ARMH3: variants seen among roughly 807,000 people sequenced by gnomAD.
ARMH3 encodes armadillo like helical domain containing 3.
ARMH3 carries 60 observed loss-of-function variants against 99.1 expected under a neutral mutation model. That is an observed-to-expected ratio of 0.61 (90% confidence interval 0.49 to 0.75). The LOEUF (loss-of-function observed/expected upper bound fraction) is 0.75, where lower values mean the gene tolerates loss of function less well. Among genes scored for constraint, ARMH3 ranks in the 30% least tolerant of loss-of-function variants. The pLI is 0.00. For synonymous variants in ARMH3, 285 were observed against 292.8 expected, an observed-to-expected ratio of 0.97 and a Z score of 0.27; for missense variants, 679 against 843.1, an observed-to-expected ratio of 0.81 and a Z score of 2.41.
chr10:101,931,728 G>A (rs1397202787), intron 23 of ARMH3, among the ~76,000 whole-genome samples: 1 of 151,962 alleles, frequency 6.6e-6, no homozygotes, highest in African/African-American at 2.4e-5. Flanking sequence ...GATTAGCCTG[G>A]GCAACGTAGC....
At chr10:101,984,110 A>G (rs1168686433) in intron 19 of ARMH3, among the ~76,000 whole-genome samples, 3 of 152,162 alleles carry the variant, frequency 2.0e-5, no homozygotes, top group African/African-American at 7.2e-5. Flanking sequence ...CCCTCCCCAC[A>G]TTTGGTCATA....
At chr10:101,986,672 A>G (rs894133753) in intron 19 of ARMH3, among the ~76,000 whole-genome samples, 1 of 152,158 alleles carries the variant, frequency 6.6e-6, no homozygotes, top group African/African-American at 2.4e-5. Context: ...ACTGCCGAAA[A>G]GGGGTACATA....
chr10:102,054,487 C>T (rs537378557), intron 1 of ARMH3, among the ~76,000 whole-genome samples: 1 of 152,278 alleles, frequency 6.6e-6, no homozygotes, highest in Admixed American at 6.5e-5. Context: ...GGTATTCCCC[C>T]TTTACAGTCG....
At chr10:101,966,293 T>G (rs1845539937) in intron 20 of ARMH3, among the ~76,000 whole-genome samples, 1 of 119,724 alleles carries the variant, frequency 8.4e-6, no homozygotes, top group African/African-American at 3.1e-5. Context: ...GGGTTTTTTT[T>G]TTTTTTTTTT....
intron 23 of ARMH3, among the ~76,000 whole-genome samples, chr10:101,910,067 C>T (rs938075506): frequency 1.3e-5 from 2 of 152,184 alleles, no homozygotes; most frequent in South Asian, 4.1e-4. Flanking sequence ...CCTGCTCTTC[C>T]TGTGGCCTTC....
At chr10:101,997,936 C>T (rs1461245444) in intron 15 of ARMH3, among the ~76,000 whole-genome samples, 1 of 152,128 alleles carries the variant, frequency 6.6e-6, no homozygotes, top group East Asian at 1.9e-4. Flanking sequence ...CCAAGGCATG[C>T]AGCAGGGGCT....
chr10:101,952,219 A>G (rs1414564435), intron 22 of ARMH3, among the ~76,000 whole-genome samples: 1 of 152,214 alleles, frequency 6.6e-6, no homozygotes, highest in Non-Finnish European at 1.5e-5. Context: ...CACTACCTTA[A>G]CCAAGTGATC....
At chr10:101,876,122 G>A (rs995355620) in intron 24 of ARMH3, among the ~76,000 whole-genome samples, 2 of 151,768 alleles carry the variant, frequency 1.3e-5, no homozygotes, top group African/African-American at 4.8e-5. Context: ...GGTGGCACGC[G>A]CCTGTAGTCC....
chr10:101,993,455 T>C, intron 17 of ARMH3, 83 bp downstream of exon 17: 1 of 1,046,784 alleles, frequency 9.6e-7, no homozygotes, highest in Non-Finnish European at 1.4e-6. Context: ...ACATTTGTTC[T>C]AGTAAGATCA....
chr10:101,974,595 T>TGCAGGGG (rs1243304202), intron 20 of ARMH3, among the ~76,000 whole-genome samples: 1 of 152,170 alleles, frequency 6.6e-6, no homozygotes, highest in African/African-American at 2.4e-5. Flanking sequence ...ACTTCCCCCC[T>TGCAGGGG]GCAGGGGTAG....
chr10:101,980,899 G>A (rs574865345), intron 19 of ARMH3, among the ~76,000 whole-genome samples: 418 of 152,264 alleles, frequency 2.7e-3, no homozygotes, highest in Non-Finnish European at 4.9e-3. Context: ...ATGAGATCAT[G>A]TCCTTTGCAG....
chr10:101,847,190 T>C lies in ARMH3; in HGVS notation c.*338A>G. On this transcript the variant is annotated 3_prime_UTR_variant, in exon 26 of 26. Transcript: ENST00000370033. ...CAGGGTGCTGGCATTACCCTGAGGC[T>C]TGCCTCACCAGCTCCCGAAAATTAG... The C allele has an allele frequency of 7.7e-6, 2 of 258,710 alleles. No individual in the cohort carries two copies. Among genetic ancestry groups the C allele is most frequent in the South Asian group, 9.8e-5 (2 of 20,424 alleles). The allele number at this position is 258,710 out of a possible 1,614,324, so 16.0% of individuals were successfully genotyped here. A position where few individuals can be genotyped will look rare whatever the true frequency, so the allele number is the denominator to read the frequency against.
intron 23 of ARMH3, among the ~76,000 whole-genome samples, chr10:101,912,635 T>C (rs756540533): frequency 8.5e-5 from 13 of 152,334 alleles, no homozygotes; most frequent in Non-Finnish European, 1.9e-4. Context: ...TACATCTTCC[T>C]TTACAATTTA....
intron 14 of ARMH3, 134 bp from the exon 15 acceptor site, chr10:102,002,206 C>A: frequency 7.5e-7 from 1 of 1,336,174 alleles, no homozygotes; most frequent in South Asian, 1.5e-5. Flanking sequence ...GGACCAAGTG[C>A]TCATCACAAA....
In ARMH3 at chr10:101,882,515, A is replaced by G. The variant is rs148220316; in HGVS notation, c.1860+6897T>C. The stretch of plus-strand genomic sequence containing the variant: ...GAGGTACTTTACTTTCCCACCCAAC[A>G]CTGAGATGGAGTCTTGCTCTGTCGC... On this transcript the variant is annotated intron_variant, in intron 24 of 25. Coordinates refer to ENST00000370033, the MANE Select transcript of ARMH3 (RefSeq NM_024541.3). Among the ~76,000 whole-genome samples the G allele has an allele frequency of 2.6e-3, 402 of 152,244 alleles. 1 individual carries two copies. In the Middle Eastern group the frequency reaches 0.034, roughly 13 times the overall value.
chr10:101,894,886 A>C (rs2067784200), intron 23 of ARMH3, among the ~76,000 whole-genome samples: 1 of 151,784 alleles, frequency 6.6e-6, no homozygotes, highest in Non-Finnish European at 1.5e-5. Flanking sequence ...AAAAAAAAAA[A>C]AAGGCACCAG....
intron 8 of ARMH3, among the ~76,000 whole-genome samples, chr10:102,017,907 G>C (rs1341655916): frequency 6.6e-6 from 1 of 152,020 alleles, no homozygotes; most frequent in Non-Finnish European, 1.5e-5. Flanking sequence ...ATAAGAATAA[G>C]CTCCAGATTT....
At chr10:101,979,406 G>A (rs1846139326) in intron 19 of ARMH3, among the ~76,000 whole-genome samples, 1 of 152,110 alleles carries the variant, frequency 6.6e-6, no homozygotes, top group African/African-American at 2.4e-5. Context: ...TATATAAAAT[G>A]TCCAGAATAG....
Position 101,969,097 on chromosome 10 carries a change from C to G in ARMH3, c.1495+6115G>C, listed in dbSNP as rs979240788. On this transcript the variant is annotated intron_variant, in intron 20 of 25. Coordinates refer to ENST00000370033, the MANE Select transcript of ARMH3 (RefSeq NM_024541.3). ...AATTTTAAAAACAAGATAGAAATAG[C>G]AGCTGCCAAAATTCCCCTTCCCATC... Among the ~76,000 whole-genome samples the G allele has an allele frequency of 2.0e-5, 3 of 152,106 alleles. No individual in the cohort carries two copies. The East Asian group carries it at 5.8e-4, about 29-fold the overall frequency.
Sources: gnomAD v4.1 joint callset for allele counts (sites outside exome capture counted in the v4.1 genomes callset) on GRCh38, gnomAD v4.1.1 for gene constraint, MANE v1.5 for transcripts, NCBI Gene and HGNC (gene_info 2026-07-23, HGNC 2026-07-21) for gene names.